Variants in PDCD1LG2 observed in about 807,000 individuals in gnomAD.
The protein encoded by PDCD1LG2 is programmed cell death 1 ligand 2.
PDCD1LG2 carries 32 observed loss-of-function variants against 28.2 expected under a neutral mutation model. That is an observed-to-expected ratio of 1.13 (90% CI 0.86 to 1.52). PDCD1LG2 has a LOEUF of 1.52. Among genes scored for constraint, PDCD1LG2 ranks in the 40% most tolerant of loss-of-function variants. PDCD1LG2 has a pLI of 0.00. For synonymous variants in PDCD1LG2, 116 were observed against 120.2 expected (o/e 0.97, Z 0.23); for missense variants, 385 against 323.8 (o/e 1.19, Z -1.45).
At chr9:5,515,951 AAAAG>A (rs1157852339) in intron 1 of PDCD1LG2, among the ~76,000 whole-genome samples, 19 of 144,046 alleles carry the variant, frequency 1.3e-4, no homozygotes, top group Admixed American at 2.1e-4. Context: ...AAAAAAAAAG[AAAAG>A]AAAGAAAGAA....
At chr9:5,546,571 T>C (rs7859810) in intron 3 of PDCD1LG2, among the ~76,000 whole-genome samples, 66,256 of 151,976 alleles carry the variant, frequency 0.44, 16,218 homozygotes, top group African/African-American at 0.67. Context: ...TGCTTCAGTG[T>C]CTGAATTGCC....
rs560665231 is a variant in PDCD1LG2, at chr9:5,554,685, G to A, written c.632-2933G>A. Among the ~76,000 whole-genome samples, 5 of 152,326 alleles carry A rather than the reference G, an allele frequency of 3.3e-5. No individual in the cohort carries two copies. In the South Asian group the frequency reaches 1.0e-3, roughly 32 times the overall value. ...TCAGCCAGTTGTTGTATTTTCATTAGGAAATGGAATGGGACTACAGCACAA... is the reference window on the plus strand; with the variant it reads ...TCAGCCAGTTGTTGTATTTTCATTAAGAAATGGAATGGGACTACAGCACAA... On this transcript the variant is annotated intron_variant, in intron 4 of 6. Transcript: ENST00000397747.
intron 1 of PDCD1LG2, among the ~76,000 whole-genome samples, chr9:5,512,964 C>T (rs180787855): frequency 1.3e-5 from 2 of 152,160 alleles, no homozygotes; most frequent in African/African-American, 2.4e-5. Flanking sequence ...TTCCTTGCTT[C>T]CTTTTTCTGA....
intron 1 of PDCD1LG2, among the ~76,000 whole-genome samples, chr9:5,516,302 C>T (rs556897321): frequency 1.1e-4 from 16 of 152,226 alleles, no homozygotes; most frequent in Non-Finnish European, 2.2e-4. Context: ...TTTCCTGCCT[C>T]GGCCTCCCAA....
chr9:5,538,603 G>A (rs1407522499), intron 3 of PDCD1LG2, among the ~76,000 whole-genome samples: 2 of 151,988 alleles, frequency 1.3e-5, no homozygotes, highest in Non-Finnish European at 2.9e-5. Flanking sequence ...CAGGAGAATG[G>A]CGTTAAGCCG....
intron 2 of PDCD1LG2, among the ~76,000 whole-genome samples, chr9:5,528,258 A>T (rs1396096220): frequency 6.8e-6 from 1 of 147,570 alleles, no homozygotes; most frequent in African/African-American, 2.5e-5. Flanking sequence ...TACATATTTT[A>T]TATATTATAT....
chr9:5,561,728 G>A (rs1307982215), intron 5 of PDCD1LG2, among the ~76,000 whole-genome samples: 3 of 152,202 alleles, frequency 2.0e-5, no homozygotes, highest in Admixed American at 1.3e-4. Flanking sequence ...TGAAGGAACA[G>A]TTATCATCAT....
intron 3 of PDCD1LG2, among the ~76,000 whole-genome samples, chr9:5,539,472 C>T (rs959029820): frequency 1.3e-5 from 2 of 152,152 alleles, no homozygotes; most frequent in African/African-American, 4.8e-5. Context: ...GGCAGAAATT[C>T]TTATCAAATA....
intron 6 of PDCD1LG2, among the ~76,000 whole-genome samples, chr9:5,567,903 A>G (rs186236593): frequency 6.6e-6 from 1 of 152,336 alleles, no homozygotes; most frequent in Admixed American, 6.5e-5. Context: ...CCAGCTTTCT[A>G]TATACTTTTG....
At chr9:5,568,062 A>G (rs1290042265) in intron 6 of PDCD1LG2, among the ~76,000 whole-genome samples, 1 of 152,058 alleles carries the variant, frequency 6.6e-6, no homozygotes, top group Non-Finnish European at 1.5e-5. Context: ...GTGGTTTCCA[A>G]TTTCTTTTTC....
At chr9:5,562,742 C>A (rs1328843209) in intron 5 of PDCD1LG2, among the ~76,000 whole-genome samples, 1 of 152,202 alleles carries the variant, frequency 6.6e-6, no homozygotes, top group Non-Finnish European at 1.5e-5. Context: ...ACTTGAGTTA[C>A]TTTGAGCCAG....
At chr9:5,512,833 T>C (rs1424777746) in intron 1 of PDCD1LG2, among the ~76,000 whole-genome samples, 11 of 152,184 alleles carry the variant, frequency 7.2e-5, no homozygotes, top group Non-Finnish European at 1.5e-4. Context: ...GGCTCCAATA[T>C]TGTCTTGCCA....
At chr9:5,544,981 G>A (rs1454215799) in intron 3 of PDCD1LG2, among the ~76,000 whole-genome samples, 32 of 152,202 alleles carry the variant, frequency 2.1e-4, no homozygotes, top group Non-Finnish European at 1.5e-5. Context: ...CTACTATCTG[G>A]AAATGGGTCT....
At chr9:5,561,477 A>T (rs1261721421) in intron 5 of PDCD1LG2, among the ~76,000 whole-genome samples, 1 of 152,218 alleles carries the variant, frequency 6.6e-6, no homozygotes, top group Non-Finnish European at 1.5e-5. Context: ...TTTGACTCCA[A>T]AACTTGTGGC....
intron 1 of PDCD1LG2, among the ~76,000 whole-genome samples, chr9:5,518,975 A>C (rs1820221446): frequency 6.6e-6 from 1 of 152,194 alleles, no homozygotes; most frequent in Non-Finnish European, 1.5e-5. Flanking sequence ...CCAATATATC[A>C]GGAAATGACT....
intron 4 of PDCD1LG2, among the ~76,000 whole-genome samples, chr9:5,557,293 T>C (rs549873865): frequency 1.8e-4 from 27 of 152,162 alleles, no homozygotes; most frequent in African/African-American, 5.3e-4. Flanking sequence ...AAAAATAACA[T>C]GAGAGAGTGG....
intron 1 of PDCD1LG2, among the ~76,000 whole-genome samples, chr9:5,517,843 A>G (rs1457385572): frequency 6.6e-6 from 1 of 152,226 alleles, no homozygotes; most frequent in Non-Finnish European, 1.5e-5. Context: ...GATGACTCCA[A>G]GGTTCTTGTC....
intron 1 of PDCD1LG2, among the ~76,000 whole-genome samples, chr9:5,521,676 C>T (rs961596864): frequency 6.6e-6 from 1 of 152,178 alleles, no homozygotes; most frequent in Non-Finnish European, 1.5e-5. Context: ...ATTCTCCTGA[C>T]CCAAACCCTC....
chr9:5,534,586 G>A (rs1236252581), intron 2 of PDCD1LG2, among the ~76,000 whole-genome samples, 159 bp from the exon 3 acceptor site: 2 of 152,180 alleles, frequency 1.3e-5, no homozygotes, highest in African/African-American at 4.8e-5. Context: ...TTGCCCAGAT[G>A]GATGGGGCAA....
Sources: allele counts gnomAD v4.1 joint callset (sites outside exome capture counted in the v4.1 genomes callset), GRCh38; gene constraint gnomAD v4.1.1; transcripts MANE v1.5; gene names NCBI Gene and HGNC (gene_info 2026-07-23, HGNC 2026-07-21).